The following DNAJB6 variants were observed in gnomAD, a reference collection of about 807,000 sequenced individuals.
DNAJB6 encodes dnaJ homolog subfamily B member 6.
In DNAJB6, 16 loss-of-function variants were observed where a neutral mutation model predicts 42.7. The ratio of observed to expected loss-of-function variants is 0.37; its 90% CI spans 0.25 to 0.57. The LOEUF (loss-of-function observed/expected upper bound fraction) is 0.57. DNAJB6 is among the 20% of genes least tolerant of loss of function. The pLI is 0.74. For missense variants in DNAJB6, 347 were observed against 416.8 expected (o/e 0.83, Z 1.46); for synonymous variants, 170 against 163.5 (o/e 1.04, Z -0.30).
intron 8 of DNAJB6, among the ~76,000 whole-genome samples, chr7:157,396,379 CGTT>C (rs1266912705): frequency 6.6e-6 from 1 of 152,218 alleles, no homozygotes; most frequent in Non-Finnish European, 1.5e-5. Context: ...CCTAGGGTTC[CGTT>C]TATAAAGAGT....
In DNAJB6 at chr7:157,409,946, C is replaced by T. The variant is rs1406779976; in HGVS notation, c.843C>T (p.Gly281=). 3.3e-6 allele frequency: 5 copies of T among 1,536,462 alleles called. No homozygotes were observed. Among genetic ancestry groups the T allele is most frequent in the East Asian group, 2.4e-5 (1 of 40,954 alleles). ...CTCACTGTCTCTCTGAGGAGGAGGGCGAGCAGGACCGACCTCGGGCACCCG... is the reference window on the plus strand; with the variant it reads ...CTCACTGTCTCTCTGAGGAGGAGGGTGAGCAGGACCGACCTCGGGCACCCG... ...HAPHCLSEEE[G]EQDRPRAPGP... Residue 281 remains glycine (G), a synonymous_variant, in exon 9 of 10, where the codon GGC becomes GGT. Transcript: ENST00000262177.
chr7:157,367,566 A>G (rs2116996344), intron 5 of DNAJB6, 83 bp downstream of exon 5: 1 of 914,066 alleles, frequency 1.1e-6, no homozygotes, highest in East Asian at 2.4e-5. Flanking sequence ...TGTTGAATTA[A>G]CATTGTATTT....
chr7:157,363,373 T>A, intron 3 of DNAJB6, 103 bp downstream of exon 3: 1 of 667,704 alleles, frequency 1.5e-6, no homozygotes, highest in Non-Finnish European at 2.6e-6. Flanking sequence ...CTCAAGTGAC[T>A]TGTTTTTGAT....
chr7:157,355,229 G>A (rs181931649), intron 1 of DNAJB6, among the ~76,000 whole-genome samples: 5 of 152,222 alleles, frequency 3.3e-5, no homozygotes, highest in East Asian at 1.9e-4. Flanking sequence ...GCGCGATCTC[G>A]GCTCACTGCA....
chr7:157,386,014 C>A (rs1484046117), intron 8 of DNAJB6: 1 of 994,718 alleles, frequency 1.0e-6, no homozygotes, highest in African/African-American at 1.7e-5. Flanking sequence ...TGTCGGCCTG[C>A]TGTGAAGTTA....
At chr7:157,392,438 T>TGTGC (rs1174440211) in intron 8 of DNAJB6, among the ~76,000 whole-genome samples, 1 of 151,880 alleles carries the variant, frequency 6.6e-6, no homozygotes, top group Non-Finnish European at 1.5e-5. Context: ...CAGATGTGTG[T>TGTGC]GTGCGTGCGT....
intron 5 of DNAJB6, chr7:157,380,231 G>C (rs1037095334): frequency 2.6e-5 from 4 of 152,206 alleles, no homozygotes; most frequent in African/African-American, 9.7e-5. Context: ...GTAGATACGT[G>C]AGATAGAATA....
chr7:157,380,243 C>T (rs1341379418), intron 5 of DNAJB6: 1 of 152,104 alleles, frequency 6.6e-6, no homozygotes. Context: ...GATAGAATAC[C>T]TAAGTGACAC....
chr7:157,366,186 G>GGT (rs1799837500), intron 3 of DNAJB6, among the ~76,000 whole-genome samples: 1 of 152,106 alleles, frequency 6.6e-6, no homozygotes, highest in South Asian at 2.1e-4. Context: ...CCTGACCTCA[G>GGT]GTGATCTGCC....
chr7:157,354,008 C>A (rs1002138563), intron 1 of DNAJB6, among the ~76,000 whole-genome samples: 1 of 152,124 alleles, frequency 6.6e-6, no homozygotes, highest in African/African-American at 2.4e-5. Context: ...CTTGCTTGAT[C>A]TAGCATTAGC....
At chr7:157,379,295 A>G (rs1800630414) in intron 5 of DNAJB6, 1 of 152,240 alleles carries the variant, frequency 6.6e-6, no homozygotes, top group Non-Finnish European at 1.5e-5. Flanking sequence ...CTTGTGGACA[A>G]CTTCTAAGGG....
At chr7:157,373,004 A>G (rs1800293521) in intron 5 of DNAJB6, among the ~76,000 whole-genome samples, 2 of 152,178 alleles carry the variant, frequency 1.3e-5, no homozygotes, top group Non-Finnish European at 2.9e-5. Flanking sequence ...CGCTAGGCTC[A>G]AGCAGTCTTC....
chr7:157,411,364 C>T (rs567042763), intron 9 of DNAJB6: 25 of 140,562 alleles, frequency 1.8e-4, no homozygotes, highest in African/African-American at 6.2e-4. Flanking sequence ...GGGGAAGGTT[C>T]CCAGGATCCC....
intron 1 of DNAJB6, among the ~76,000 whole-genome samples, chr7:157,349,193 TG>T (rs1798844294): frequency 6.6e-6 from 1 of 152,184 alleles, no homozygotes; most frequent in Admixed American, 6.5e-5. Context: ...TGTGCATATT[TG>T]TCTACATGCC....
intron 8 of DNAJB6, among the ~76,000 whole-genome samples, chr7:157,401,818 G>A (rs186731692): frequency 1.3e-5 from 2 of 152,318 alleles, no homozygotes; most frequent in East Asian, 1.9e-4. Flanking sequence ...CTGCAGCAGC[G>A]GCCCTCCTGC....
rs561118950 is a variant in DNAJB6 at position 157,373,141 on chromosome 7, G to T, written c.346+5658G>T. Among the ~76,000 whole-genome samples, 4 of 152,220 alleles carry T rather than the reference G, an allele frequency of 2.6e-5. No homozygotes were observed. In the South Asian group the frequency reaches 8.3e-4, roughly 32 times the overall value. On this transcript the variant is annotated intron_variant, in intron 5 of 9. Transcript: ENST00000262177. Reference sequence around the variant, plus strand: ...CACTGTAATGATTTCATCTTAACTTGATAATCTATAAAGAGCCTGTTCCCA... The same window carrying T: ...CACTGTAATGATTTCATCTTAACTTTATAATCTATAAAGAGCCTGTTCCCA...
intron 8 of DNAJB6, among the ~76,000 whole-genome samples, chr7:157,392,356 T>TG (rs34352608): frequency 0.037 from 5,151 of 140,862 alleles, 227 homozygotes; most frequent in East Asian, 0.19. Context: ...GTGTTGAAAG[T>TG]GGGTTTTTTT....
chr7:157,351,841 A>G (rs1442307033), intron 1 of DNAJB6, among the ~76,000 whole-genome samples: 1 of 151,072 alleles, frequency 6.6e-6, no homozygotes, highest in Admixed American at 6.6e-5. Flanking sequence ...AAAACCACAA[A>G]AAATTAGTCG....
intron 8 of DNAJB6, among the ~76,000 whole-genome samples, chr7:157,390,563 GTGCTGAAACATTGC>G (rs1289280507): frequency 1.3e-5 from 2 of 152,186 alleles, no homozygotes; most frequent in Non-Finnish European, 1.5e-5. Flanking sequence ...GGAGGCTTTG[GTGCTGAAACATTGC>G]TGCTGAAACA....
Sources: gnomAD v4.1 joint callset for allele counts (sites outside exome capture counted in the v4.1 genomes callset) on GRCh38, gnomAD v4.1.1 for gene constraint, MANE v1.5 for transcripts, NCBI Gene and HGNC (gene_info 2026-07-23, HGNC 2026-07-21) for gene names.